The following CFAP65 variants were observed in gnomAD, a reference collection of about 807,000 sequenced individuals.
The protein encoded by CFAP65 is cilia and flagella associated protein 65, also known as cilia- and flagella-associated protein 65.
A neutral mutation model predicts 208.0 loss-of-function variants in CFAP65; 155 were observed. The ratio of observed to expected loss-of-function variants is 0.75; its 90% confidence interval spans 0.65 to 0.85. The LOEUF (loss-of-function observed/expected upper bound fraction) is 0.85. Among genes scored for constraint, CFAP65 ranks in the 40% least tolerant of loss-of-function variants. The pLI is 0.00. For missense variants in CFAP65, 2,294 were observed against 2,451.3 expected (o/e 0.94, Z 1.36); for synonymous variants, 970 against 986.3 (o/e 0.98, Z 0.31).
chr2:219,030,573 T>G (rs774918006), intron 9 of CFAP65, 116 bp downstream of exon 9: 11 of 1,380,832 alleles, frequency 8.0e-6, no homozygotes, highest in Non-Finnish European at 1.1e-5. Flanking sequence ...ATGGGTTACA[T>G]GAGGCTTGGG....
In CFAP65 at chr2:219,023,230, G is replaced by A; in HGVS notation, c.2797C>T (p.Leu933=). The change falls in exon 16 of 35, where the codon CTA becomes TTA. Residue 933 remains leucine, a synonymous_variant. Transcript: ENST00000341552. ...KLLAVQPSRG[L]IQPNERLTLT... is the part of the protein sequence containing the mutation. ...ACAAGTCTCTCGTTGGGCTGGATTA[G>A]CCCCCTGGAGGGCTGGACAGCCAGC... is the stretch of plus-strand genomic sequence containing the variant. 6.2e-7 allele frequency: 1 copy of A among 1,612,378 alleles called. No homozygotes were observed. Among genetic ancestry groups the A allele is most frequent in the East Asian group, 2.2e-5 (1 of 44,872 alleles).
intron 22 of CFAP65, 89 bp from the exon 23 acceptor site, chr2:219,013,674 A>G: frequency 7.5e-7 from 1 of 1,337,698 alleles, no homozygotes; most frequent in Middle Eastern, 1.8e-4. Context: ...TGTGGCTTTG[A>G]GCTGGCCAGC....
Position 219,009,925 on chromosome 2 carries a change from G to T in CFAP65, c.4452+17C>A. 6.3e-7 allele frequency: 1 copy of T among 1,599,634 alleles called. No homozygotes were observed. The highest frequency in any genetic ancestry group is 8.5e-7 in the Non-Finnish European group (1 of 1,174,024). On this transcript the variant is annotated intron_variant, in intron 27 of 34. Transcript: ENST00000341552. ...CTGGAGCTCTGATGGAGGTTCCAGG[G>T]CTCAGGGGACTCTCACCTCCCCAAA... is the stretch of plus-strand genomic sequence containing the variant.
chr2:219,023,949 T>G, intron 15 of CFAP65, 66 bp downstream of exon 15: 1 of 1,555,122 alleles, frequency 6.4e-7, no homozygotes, highest in Non-Finnish European at 8.7e-7. Context: ...AATATGGCCT[T>G]GAAAAGGGTG....
At chr2:219,030,411 G>C (rs1026826026) in intron 9 of CFAP65, among the ~76,000 whole-genome samples, 2 of 152,354 alleles carry the variant, frequency 1.3e-5, no homozygotes, top group Admixed American at 6.5e-5. Flanking sequence ...TGCCCAAAGG[G>C]GGCACCTTTT....
chr2:219,028,375 C>T lies in CFAP65; in HGVS notation c.1677G>A (p.Gly559=), dbSNP rs565008191. The T allele has an allele frequency of 1.1e-5, 18 of 1,613,124 alleles. No individual in the cohort carries two copies. In the African/African-American group the frequency reaches 2.1e-4, roughly 19 times the overall value. Reference sequence around the variant, plus strand: ...GCTTGGTGCTGTCCGAGTGGCAGGTCCCCATCAGGTCCAGGAACAGTGGGT... The same window carrying T: ...GCTTGGTGCTGTCCGAGTGGCAGGTTCCCATCAGGTCCAGGAACAGTGGGT... ...HQDPLFLDLM[G]TCHSDSTKPA... is the part of the protein sequence containing the mutation. The change falls in exon 12 of 35, where the codon GGG becomes GGA. Residue 559 remains glycine, a synonymous_variant. Transcript: ENST00000341552.
chr2:219,041,233 G>A (rs558857901), intron 1 of CFAP65, among the ~76,000 whole-genome samples: 1 of 152,312 alleles, frequency 6.6e-6, no homozygotes, highest in East Asian at 1.9e-4. Flanking sequence ...TCGTCGTATA[G>A]AGTCGAGGGA....
At chr2:219,027,274 C>T in intron 13 of CFAP65, 1 of 1,377,028 alleles carries the variant, frequency 7.3e-7, no homozygotes. Context: ...GGCCCAGCTT[C>T]CTGCCCGCTC....
rs780727838 is a variant in CFAP65 at position 219,004,130 on chromosome 2, C to T, written c.5377G>A (p.Glu1793Lys). The change falls in exon 33 of 35, where the codon GAG becomes AAG. Residue 1793 changes from glutamate to lysine, a missense_variant. Glu to Lys is a moderately conservative substitution (Grantham distance 56, BLOSUM62 1). Transcript: ENST00000341552. The surrounding 1 kb of genome is among the most constrained non-coding windows in gnomAD (Gnocchi z 4.7). ...TCCTCCTCCTTCTCCTCTATCTCCTCCTTGCCCAACTCCTCCTCTTCTGTC... is the reference window on the plus strand; with the variant it reads ...TCCTCCTCCTTCTCCTCTATCTCCTTCTTGCCCAACTCCTCCTCTTCTGTC... Reference protein sequence around the residue: ...EETEEEELGKEEIEEKEEERD... With the variant: ...EETEEEELGKKEIEEKEEERD... The T allele has an allele frequency of 5.6e-6, 9 of 1,613,866 alleles. No homozygotes were observed. Among genetic ancestry groups the T allele is most frequent in the Non-Finnish European group, 7.6e-6 (9 of 1,180,028 alleles).
rs1574541388 is a variant in CFAP65 at position 219,011,058 on chromosome 2, G to T, written c.3958-62C>A. 5 of 1,484,386 alleles carry T rather than the reference G, an allele frequency of 3.4e-6. No homozygotes were observed. The Admixed American group carries it at 5.5e-5, about 16-fold the overall frequency. 92.0% of individuals were successfully genotyped at this position (1,484,386 alleles called of 1,614,324 possible). Reference sequence around the variant, plus strand: ...CTCAGCACTGCAAATCAGAAAGCCTGGGATGCTGTGCCCACTGTGGGAGGG... The same window carrying T: ...CTCAGCACTGCAAATCAGAAAGCCTTGGATGCTGTGCCCACTGTGGGAGGG... On this transcript the variant is annotated intron_variant, in intron 24 of 34. Transcript: ENST00000341552.
At chr2:219,010,138 T>C (rs933033612) in intron 26 of CFAP65, 53 bp from the exon 27 acceptor site, 18 of 1,514,570 alleles carry the variant, frequency 1.2e-5, no homozygotes, top group South Asian at 4.0e-5. Context: ...GCATGGTGGC[T>C]CACGCCTGTA....
intron 31 of CFAP65, 149 bp downstream of exon 31, chr2:219,005,872 A>G (rs964317198): frequency 3.5e-6 from 3 of 854,738 alleles, no homozygotes; most frequent in Non-Finnish European, 5.5e-6. Context: ...GTAATGGGGC[A>G]TCCTGGGCCC....
intron 16 of CFAP65, among the ~76,000 whole-genome samples, chr2:219,022,863 T>A (rs1947358390): frequency 6.6e-6 from 1 of 152,168 alleles, no homozygotes; most frequent in African/African-American, 2.4e-5. Context: ...TGGGCCCAAA[T>A]CCAGCTGCTG....
chr2:219,039,315 C>T (rs879123496), intron 2 of CFAP65: 2 of 256,118 alleles, frequency 7.8e-6, no homozygotes, highest in South Asian at 1.3e-4. Flanking sequence ...TCCCTCACCT[C>T]GAATCCCCTC....
chr2:219,022,747 C>T (rs1484673361), intron 16 of CFAP65, among the ~76,000 whole-genome samples: 2 of 152,182 alleles, frequency 1.3e-5, no homozygotes, highest in Non-Finnish European at 1.5e-5. Context: ...CCCAACCCGT[C>T]GGTAAGGTTC....
In CFAP65 at chr2:219,031,339, C is replaced by T. The variant is rs1948014540; in HGVS notation, c.816-34G>A. The stretch of plus-strand genomic sequence containing the variant: ...GGGGGGCAGGTCAGGGCACTGGGCT[C>T]CCGGCCCCTGCTCCTGCAGTAGCAA... On this transcript the variant is annotated intron_variant, in intron 7 of 34. Coordinates refer to ENST00000341552, the MANE Select transcript of CFAP65 (RefSeq NM_194302.4). The surrounding 1 kb of genome is among the most constrained non-coding windows in gnomAD (Gnocchi z 5.2). The T allele has an allele frequency of 6.2e-7, 1 of 1,608,668 alleles. No individual in the cohort carries two copies. Among genetic ancestry groups the T allele is most frequent in the Admixed American group, 1.7e-5 (1 of 59,782 alleles).
Position 219,032,680 on chromosome 2 carries a change from C to A in CFAP65, c.543-108G>T. On this transcript the variant is annotated intron_variant, in intron 5 of 34. Transcript: ENST00000341552. This position sits in a 1 kb window ranked among gnomAD's most constrained non-coding sequence, Gnocchi z 5.5. ...GCCAAGGGAGCTTGAGTCCCTGGGA[C>A]CACAGAGAAAGCGATCAGGAGATGA... The A allele has an allele frequency of 2.1e-6, 2 of 941,164 alleles. No individual in the cohort carries two copies. The allele number at this position is 941,164 out of a possible 1,614,324, so 58.3% of individuals were successfully genotyped here.
intron 27 of CFAP65, 133 bp from the exon 28 acceptor site, chr2:219,009,593 A>AGATGG: frequency 4.1e-6 from 2 of 486,188 alleles, no homozygotes; most frequent in Non-Finnish European, 7.9e-6. Flanking sequence ...GGATGGGACA[A>AGATGG]GATGGGATGG....
chr2:219,013,300 A>G lies in CFAP65; in HGVS notation c.3916T>C (p.Phe1306Leu), dbSNP rs752940800. 1 of 1,614,078 alleles carries G rather than the reference A, an allele frequency of 6.2e-7. No homozygotes were observed. The highest frequency in any genetic ancestry group is 1.1e-5 in the South Asian group (1 of 91,058). Residue 1306 changes from phenylalanine to leucine, a missense_variant, in exon 24 of 35, where the codon TTC becomes CTC. Around this residue, in one of 2 missense-constraint regions of CFAP65, gnomAD observed 1,427 missense variants for 1,438.7 expected, o/e 0.99. Transcript: ENST00000341552. ...YVHFTSTTHQ[F>L]IPIPIGDTLP... ...GTGTCACCAATGGGAATGGGGATGA[A>G]CTGGTGGGTAGTAGAGGTGAAGTGC... is the stretch of plus-strand genomic sequence containing the variant.
Sources: allele counts gnomAD v4.1 joint callset (sites outside exome capture counted in the v4.1 genomes callset), GRCh38; gene constraint gnomAD v4.1.1; regional missense constraint gnomAD v4.1.1; non-coding constraint Gnocchi (gnomAD v3.1); transcripts MANE v1.5; gene names NCBI Gene and HGNC (gene_info 2026-07-23, HGNC 2026-07-21).